NAMPT: variants seen among roughly 807,000 people sequenced by gnomAD.
NAMPT encodes the protein NAmPRTase.
NAMPT carries 7 observed loss-of-function variants against 58.7 expected under a neutral mutation model. The ratio of observed to expected loss-of-function variants is 0.12; its 90% CI spans 0.07 to 0.22. NAMPT has a LOEUF of 0.22. Among genes scored for constraint, NAMPT ranks in the 10% least tolerant of loss-of-function variants. The pLI is 1.00. For missense variants in NAMPT, 271 were observed against 567.9 expected (o/e 0.48, Z 5.31); for synonymous variants, 145 against 198.1 (o/e 0.73, Z 2.25).
At chr7:106,257,749 C>G (rs1027245263) in intron 8 of NAMPT, among the ~76,000 whole-genome samples, 2 of 152,188 alleles carry the variant, frequency 1.3e-5, no homozygotes, top group African/African-American at 4.8e-5. Flanking sequence ...ACTGAACACC[C>G]AACTTGAACT....
At chr7:106,280,375 T>A (rs1792738631) in intron 1 of NAMPT, among the ~76,000 whole-genome samples, 1 of 152,224 alleles carries the variant, frequency 6.6e-6, no homozygotes, top group African/African-American at 2.4e-5. Flanking sequence ...AATGAAGTGC[T>A]CAATTTTAAA....
chr7:106,261,505 A>G, intron 8 of NAMPT, 83 bp downstream of exon 8: 11 of 1,113,826 alleles, frequency 9.9e-6, no homozygotes, highest in Non-Finnish European at 1.4e-5. Context: ...TTAAAATTGT[A>G]TTTATATTGT....
intron 8 of NAMPT, among the ~76,000 whole-genome samples, chr7:106,258,967 T>C (rs1343937909): frequency 6.6e-6 from 1 of 152,226 alleles, no homozygotes; most frequent in Non-Finnish European, 1.5e-5. Flanking sequence ...TACGATAGCG[T>C]TCACCCACAC....
Position 106,250,793 on chromosome 7 carries a change from AT to A in NAMPT, c.*289del, listed in dbSNP as rs1366936320. The A allele has an allele frequency of 1.9e-5, 6 of 315,678 alleles. No homozygotes were observed. Among genetic ancestry groups the A allele is most frequent in the African/African-American group, 1.3e-4 (6 of 45,592 alleles). 19.6% of individuals were successfully genotyped at this position (315,678 alleles called of 1,614,324 possible). ...TGTTTTATGTGATCATCAGTTATAT[AT>A]AAAAGTTTCTCAGTTCTGTTATTTG... is the stretch of plus-strand genomic sequence containing the variant. On this transcript the variant is annotated 3_prime_UTR_variant, in exon 11 of 11. Coordinates refer to ENST00000222553, the MANE Select transcript of NAMPT (RefSeq NM_005746.3).
At chr7:106,283,494 A>C (rs1792804384) in intron 1 of NAMPT, among the ~76,000 whole-genome samples, 1 of 152,160 alleles carries the variant, frequency 6.6e-6, no homozygotes. Flanking sequence ...AAATTCTACA[A>C]AACTATCAAT....
chr7:106,269,094 C>T, intron 5 of NAMPT, 60 bp downstream of exon 5: 2 of 1,482,260 alleles, frequency 1.3e-6, no homozygotes, highest in Non-Finnish European at 1.8e-6. Flanking sequence ...CAAAAGTTTA[C>T]AGTGGTACTC....
At chr7:106,282,583 G>T (rs902658628) in intron 1 of NAMPT, among the ~76,000 whole-genome samples, 3 of 152,198 alleles carry the variant, frequency 2.0e-5, no homozygotes, top group Non-Finnish European at 4.4e-5. Context: ...AATAAAGTAT[G>T]AGTTTACAGA....
At chr7:106,276,001 C>A (rs1485259013) in intron 2 of NAMPT, 3 of 152,186 alleles carry the variant, frequency 2.0e-5, no homozygotes, top group African/African-American at 7.2e-5. Flanking sequence ...TGCACTCCAG[C>A]CTGGGTGACT....
In NAMPT at chr7:106,267,840, C is replaced by CAA. The variant is rs769070307; in HGVS notation, c.743+622_743+623dup. 8.1e-4 allele frequency among the ~76,000 whole-genome samples: 27 copies of CAA among 33,174 alleles called. 5 individuals carry two copies. The highest frequency in any genetic ancestry group is 5.8e-3 in the East Asian group (5 of 858). The allele number at this position is 33,174 out of a possible 152,430, so 21.8% of individuals were successfully genotyped here. A position where few individuals can be genotyped will look rare whatever the true frequency, so the allele number is the denominator to read the frequency against. ...TGGGCGACAGAGCGAGACTCCGTCT[C>CAA]AAAAAAAAAAAAAAAAAAAAAAAAA... On this transcript the variant is annotated intron_variant, in intron 6 of 10. Coordinates refer to ENST00000222553, the MANE Select transcript of NAMPT (RefSeq NM_005746.3).
chr7:106,284,695 C>G, intron 1 of NAMPT, 133 bp downstream of exon 1: 8 of 1,071,780 alleles, frequency 7.5e-6, no homozygotes, highest in Non-Finnish European at 8.1e-6. Context: ...GCGCCTCCCC[C>G]GGGCCTCCCC....
chr7:106,262,022 T>G (rs1411281527), intron 7 of NAMPT, among the ~76,000 whole-genome samples: 1 of 150,540 alleles, frequency 6.6e-6, no homozygotes. Flanking sequence ...ATTAAATAAG[T>G]ATATTTTAAA....
At chr7:106,277,727 C>A (rs1792678626) in intron 1 of NAMPT, among the ~76,000 whole-genome samples, 1 of 152,098 alleles carries the variant, frequency 6.6e-6, no homozygotes, top group African/African-American at 2.4e-5. Context: ...AAAAAAAAAT[C>A]CTGTTTTGTA....
At chr7:106,279,045 T>A (rs116475224) in intron 1 of NAMPT, among the ~76,000 whole-genome samples, 1,758 of 152,308 alleles carry the variant, frequency 0.012, 41 homozygotes, top group African/African-American at 0.041. Flanking sequence ...TAACTCTGTA[T>A]CTTGGTCTAA....
chr7:106,258,227 T>C (rs1287529813), intron 8 of NAMPT, among the ~76,000 whole-genome samples: 2 of 152,198 alleles, frequency 1.3e-5, no homozygotes, highest in Admixed American at 1.3e-4. Context: ...AGAGATCTAT[T>C]CCGGACGCCT....
chr7:106,263,253 C>T, intron 7 of NAMPT, 139 bp downstream of exon 7: 1 of 649,818 alleles, frequency 1.5e-6, no homozygotes, highest in East Asian at 2.7e-5. Context: ...AAATCTATTA[C>T]TCTCTCTGGG....
chr7:106,272,766 G>T (rs1042954788), intron 3 of NAMPT, 108 bp from the exon 4 acceptor site: 2 of 1,201,992 alleles, frequency 1.7e-6, no homozygotes, highest in Admixed American at 2.1e-5. Context: ...TACTGTCATA[G>T]AAATTGCAAT....
At chr7:106,280,874 G>C (rs1459066205) in intron 1 of NAMPT, among the ~76,000 whole-genome samples, 2 of 151,626 alleles carry the variant, frequency 1.3e-5, no homozygotes, top group East Asian at 3.9e-4. Flanking sequence ...CTGGGAGGTG[G>C]AGGTTGCCGT....
At position 106,261,561 on chromosome 7, in the gene NAMPT, T is replaced by C. The variant is rs201462237; in HGVS notation, c.1089+27A>G. On this transcript the variant is annotated intron_variant, in intron 8 of 10. Transcript: ENST00000222553. ...AAACTTAATTATAAGAAATGCCTTA[T>C]TGAAACTTTTAATATAAAACACATA... The C allele has an allele frequency of 7.4e-5, 109 of 1,468,472 alleles. No individual in the cohort carries two copies. The Middle Eastern group carries it at 2.5e-3, about 33-fold the overall frequency. 91.0% of individuals were successfully genotyped at this position (1,468,472 alleles called of 1,614,324 possible).
At chr7:106,251,690 A>T (rs1792106860) in intron 10 of NAMPT, among the ~76,000 whole-genome samples, 1 of 152,132 alleles carries the variant, frequency 6.6e-6, no homozygotes, top group African/African-American at 2.4e-5. Context: ...GCCAAAAGCC[A>T]ATCCCAAAAC....
Sources: gnomAD v4.1 joint callset for allele counts (sites outside exome capture counted in the v4.1 genomes callset) on GRCh38, gnomAD v4.1.1 for gene constraint, MANE v1.5 for transcripts, NCBI Gene and HGNC (gene_info 2026-07-23, HGNC 2026-07-21) for gene names.